The following ANXA8 variants were observed in gnomAD, a reference collection of about 807,000 sequenced individuals.
ANXA8 encodes the protein VAC-beta.
In ANXA8, 9 loss-of-function variants were observed where a neutral mutation model predicts 26.8. The ratio of observed to expected loss-of-function variants is 0.34; its 90% CI spans 0.20 to 0.59. The LOEUF is 0.59. Ranked by LOEUF, ANXA8 falls within the 20% of genes least tolerant of loss-of-function variation. The pLI, the probability that ANXA8 is intolerant of heterozygous loss-of-function variation, is 0.84. For missense variants in ANXA8, 83 were observed against 238.5 expected (o/e 0.35, Z 4.29); for synonymous variants, 39 against 94.8 (o/e 0.41, Z 3.42).
At chr10:47,488,934 C>A (rs1215794011), upstream of ANXA8, among the ~76,000 whole-genome samples, 1 of 147,740 alleles carries the variant, frequency 6.8e-6, no homozygotes. Context: ...TCACCGTGGT[C>A]TGGATCTCCT....
the ANXA8 span, chr10:47,502,252 G>A: frequency 8.8e-6 from 14 of 1,594,592 alleles, 1 homozygote; most frequent in East Asian, 2.4e-5. Flanking sequence ...ATGGAGTGCC[G>A]TGCAGCCGTC....
chr10:47,646,802 T>C, the ANXA8 span, among the ~76,000 whole-genome samples: 2 of 152,188 alleles, frequency 1.3e-5, no homozygotes, highest in Non-Finnish European at 2.9e-5. Flanking sequence ...TTTTTTTCTC[T>C]GCTGTTAAAA....
the ANXA8 span, among the ~76,000 whole-genome samples, chr10:47,749,212 C>T: frequency 5.7e-5 from 5 of 87,490 alleles, no homozygotes; most frequent in African/African-American, 8.4e-5. Context: ...CCAGCCTGGG[C>T]GACAGAGTGA....
At chr10:47,626,332 G>T in the ANXA8 span, among the ~76,000 whole-genome samples, 1 of 150,254 alleles carries the variant, frequency 6.7e-6, no homozygotes, top group East Asian at 1.9e-4. Flanking sequence ...TATGAATTTT[G>T]ATTTGACAAG....
the ANXA8 span, among the ~76,000 whole-genome samples, chr10:47,981,041 C>T: frequency 6.6e-6 from 1 of 151,234 alleles, no homozygotes; most frequent in African/African-American, 2.4e-5. Context: ...AATATTAATA[C>T]AAAAATTATC....
the ANXA8 span, among the ~76,000 whole-genome samples, chr10:47,681,223 G>A: frequency 1.3e-5 from 2 of 151,838 alleles, no homozygotes; most frequent in Non-Finnish European, 1.5e-5. Context: ...TGAGAAATTG[G>A]AAGTAGAGCA....
the ANXA8 span, among the ~76,000 whole-genome samples, chr10:47,493,145 G>C: frequency 3.3e-5 from 5 of 151,170 alleles, no homozygotes; most frequent in Non-Finnish European, 7.4e-5. Context: ...GGTGAATCGG[G>C]GCTTCAACAA....
the ANXA8 span, among the ~76,000 whole-genome samples, chr10:47,667,140 T>G: frequency 2.0e-5 from 3 of 152,064 alleles, no homozygotes; most frequent in African/African-American, 7.3e-5. Flanking sequence ...CTCTTTTCTT[T>G]TCTCCTGCAT....
At chr10:47,755,350 G>C in the ANXA8 span, among the ~76,000 whole-genome samples, 25 of 152,104 alleles carry the variant, frequency 1.6e-4, no homozygotes, top group Non-Finnish European at 2.9e-5. Context: ...CCGCCTCCCA[G>C]GCTCATGCCA....
At chr10:47,924,645 A>T in the ANXA8 span, among the ~76,000 whole-genome samples, 1 of 151,856 alleles carries the variant, frequency 6.6e-6, no homozygotes, top group Non-Finnish European at 1.5e-5. Flanking sequence ...CTCACCCCTG[A>T]CCAAGAACCG....
chr10:47,688,675 C>G, the ANXA8 span, among the ~76,000 whole-genome samples: 1 of 151,620 alleles, frequency 6.6e-6, no homozygotes, highest in South Asian at 2.1e-4. Context: ...ACCCCCTTGG[C>G]CTCCCAAAGT....
At chr10:47,628,526 A>C in the ANXA8 span, among the ~76,000 whole-genome samples, 23 of 150,988 alleles carry the variant, frequency 1.5e-4, no homozygotes, top group African/African-American at 4.9e-4. Flanking sequence ...TTCATATTTA[A>C]GGCTTTTTAA....
chr10:47,903,272 GAGAA>G, the ANXA8 span, among the ~76,000 whole-genome samples: 2 of 26,042 alleles, frequency 7.7e-5, no homozygotes. Context: ...TTGTTCAAGA[GAGAA>G]AGCCAATTTT....
chr10:47,724,513 C>T, the ANXA8 span, among the ~76,000 whole-genome samples: 1 of 141,200 alleles, frequency 7.1e-6, no homozygotes, highest in South Asian at 2.2e-4. Context: ...GAATGTCTTC[C>T]CTCTGTCTGA....
chr10:47,468,936 A>G (rs1839204266), intron 11 of ANXA8, 30 bp from the exon 12 acceptor site: 1 of 1,608,878 alleles, frequency 6.2e-7, no homozygotes, highest in Admixed American at 1.7e-5. Flanking sequence ...AAGCGTGAGA[A>G]GGGGTTTGCT....
the ANXA8 span, among the ~76,000 whole-genome samples, chr10:47,932,716 CTT>C: frequency 1.0e-4 from 8 of 76,918 alleles, 3 homozygotes; most frequent in African/African-American, 3.6e-4. Context: ...CTCTCTCTCT[CTT>C]TCTCTGTCTT....
At chr10:47,605,656 AAGAG>A in the ANXA8 span, among the ~76,000 whole-genome samples, 1 of 148,980 alleles carries the variant, frequency 6.7e-6, no homozygotes, top group Non-Finnish European at 1.5e-5. Flanking sequence ...AAATATATCA[AAGAG>A]AAAGAAGGAA....
At chr10:47,726,575 A>C in the ANXA8 span, among the ~76,000 whole-genome samples, 2 of 152,274 alleles carry the variant, frequency 1.3e-5, no homozygotes, top group African/African-American at 4.8e-5. Context: ...TAATTTATAA[A>C]ACAGTTTAAT....
At chr10:47,475,261 C>T (rs1444539856) in intron 6 of ANXA8, among the ~76,000 whole-genome samples, 1 of 149,224 alleles carries the variant, frequency 6.7e-6, no homozygotes, top group Non-Finnish European at 1.5e-5. Flanking sequence ...GCACGAAGGA[C>T]CTGCTCTCCT....
Sources: allele counts gnomAD v4.1 joint callset (sites outside exome capture counted in the v4.1 genomes callset), GRCh38; gene constraint gnomAD v4.1.1; transcripts MANE v1.5; gene names NCBI Gene and HGNC (gene_info 2026-07-23, HGNC 2026-07-21).